TTC6: variants seen among roughly 807,000 people sequenced by gnomAD.
TTC6 encodes tetratricopeptide repeat domain 6.
In TTC6, 172 loss-of-function variants were observed where a neutral mutation model predicts 210.4. That is an observed-to-expected ratio of 0.82 (90% confidence interval 0.72 to 0.93). The LOEUF is 0.93. Ranked by LOEUF, TTC6 falls within the 40% of genes least tolerant of loss-of-function variation. TTC6 has a pLI of 0.00. For missense variants in TTC6, 2,414 were observed against 2,318.1 expected (o/e 1.04, Z -0.85); for synonymous variants, 804 against 819.6 (o/e 0.98, Z 0.32).
upstream of TTC6, among the ~76,000 whole-genome samples, chr14:37,617,337 G>C (rs949838709): frequency 6.6e-6 from 1 of 152,192 alleles, no homozygotes; most frequent in South Asian, 2.1e-4. Flanking sequence ...TATTCACAAG[G>C]GATATAGGCA....
chr14:37,630,245 CT>C (rs1432239047), intron 1 of TTC6, among the ~76,000 whole-genome samples: 2 of 152,146 alleles, frequency 1.3e-5, no homozygotes, highest in African/African-American at 2.4e-5. Context: ...GTAAACACTG[CT>C]TTAGCTGTAT....
rs530211564 is a variant in TTC6, at chr14:37,664,638, A to G, written c.940-15513A>G. On this transcript the variant is annotated intron_variant, in intron 1 of 30. Coordinates refer to ENST00000553443, the Ensembl canonical transcript of TTC6. Reference sequence around the variant, plus strand: ...GCCAAAAGCAATTGCAACAAAAGCAAACATTGACAAATGGGATCTAATTAA... The same window carrying G: ...GCCAAAAGCAATTGCAACAAAAGCAGACATTGACAAATGGGATCTAATTAA... Among the ~76,000 whole-genome samples, 288 of 150,896 alleles carry G rather than the reference A, an allele frequency of 1.9e-3. 27 individuals are homozygous for G. The highest frequency in any genetic ancestry group is 3.8e-3 in the Non-Finnish European group (254 of 67,178).
chr14:37,818,260 A>T (rs757635119), intron 26 of TTC6, among the ~76,000 whole-genome samples: 1 of 152,306 alleles, frequency 6.6e-6, no homozygotes, highest in South Asian at 2.1e-4. Context: ...AAAATATAGA[A>T]GATAATCAGC....
At chr14:37,817,502 C>T in intron 25 of TTC6, 76 bp from the exon 28 acceptor site, 14 of 1,272,866 alleles carry the variant, frequency 1.1e-5, no homozygotes, top group Non-Finnish European at 1.6e-5. Flanking sequence ...ATTGTGGAAT[C>T]ACAGTTAGAA....
In TTC6 at chr14:37,742,830, C is replaced by T. The variant is rs561108897; in HGVS notation, c.2363+3675C>T. Among the ~76,000 whole-genome samples, 41 of 152,296 alleles carry T rather than the reference C, an allele frequency of 2.7e-4. No individual in the cohort carries two copies. The South Asian group carries it at 8.1e-3, about 30-fold the overall frequency. On this transcript the variant is annotated intron_variant, in intron 10 of 30. Coordinates refer to ENST00000553443, the Ensembl canonical transcript of TTC6. The stretch of plus-strand genomic sequence containing the variant: ...GAATTTGTATACATCCATATCCCAA[C>T]CTTCATTCACTAGATCCTCAGTGAC...
At chr14:37,735,629 G>A (rs1372523226) in intron 7 of TTC6, among the ~76,000 whole-genome samples, 1 of 152,106 alleles carries the variant, frequency 6.6e-6, no homozygotes, top group Non-Finnish European at 1.5e-5. Context: ...GTTAACCTAT[G>A]AGATCATAGG....
At chr14:37,840,610 G>A (rs1055298795) in intron 29 of TTC6, among the ~76,000 whole-genome samples, 3 of 152,104 alleles carry the variant, frequency 2.0e-5, no homozygotes, top group Non-Finnish European at 4.4e-5. Flanking sequence ...TAAAATACTG[G>A]CAAACTGAAT....
At chr14:37,607,440 A>G (rs1426565228) in intron 2 of TTC6, among the ~76,000 whole-genome samples, 6 of 152,168 alleles carry the variant, frequency 3.9e-5, no homozygotes, top group Non-Finnish European at 8.8e-5. Flanking sequence ...CATCAATGAG[A>G]ATTCTATGTG....
chr14:37,719,888 A>G (rs1309074859), intron 6 of TTC6, among the ~76,000 whole-genome samples: 1 of 152,128 alleles, frequency 6.6e-6, no homozygotes, highest in African/African-American at 2.4e-5. Context: ...TCTACAAAAG[A>G]CCCTGTTAAG....
chr14:37,780,367 T>C (rs796662130), intron 14 of TTC6, among the ~76,000 whole-genome samples: 1 of 152,148 alleles, frequency 6.6e-6, no homozygotes, highest in African/African-American at 2.4e-5. Context: ...AAGCCCAGTA[T>C]CCATTAGCGA....
intron 13 of TTC6, among the ~76,000 whole-genome samples, chr14:37,751,687 C>T (rs986224711): frequency 9.2e-5 from 14 of 152,086 alleles, no homozygotes; most frequent in Non-Finnish European, 1.6e-4. Context: ...CATTCGCTTG[C>T]TTGAAACTAT....
At chr14:37,649,835 C>A (rs1334716052) in intron 1 of TTC6, among the ~76,000 whole-genome samples, 5 of 152,166 alleles carry the variant, frequency 3.3e-5, no homozygotes, top group African/African-American at 1.2e-4. Context: ...AGAGACCAAA[C>A]TGTAGATACC....
At chr14:37,703,406 A>G (rs1476976805) in intron 5 of TTC6, among the ~76,000 whole-genome samples, 1 of 152,164 alleles carries the variant, frequency 6.6e-6, no homozygotes, top group Non-Finnish European at 1.5e-5. Flanking sequence ...TCCAGCATCT[A>G]TCTCTTGAGG....
At chr14:37,627,488 G>A (rs999209154) in intron 1 of TTC6, among the ~76,000 whole-genome samples, 27 of 146,402 alleles carry the variant, frequency 1.8e-4, no homozygotes, top group Non-Finnish European at 4.5e-5. Context: ...GCTGTGTGAT[G>A]TTCCCTTCCC....
chr14:37,739,222 C>G (rs186071745), intron 10 of TTC6, 67 bp downstream of exon 12: 8 of 1,342,602 alleles, frequency 6.0e-6, no homozygotes, highest in Non-Finnish European at 7.9e-6. Flanking sequence ...ATTTTATAAT[C>G]TCACCCCATG....
intron 20 of TTC6, among the ~76,000 whole-genome samples, chr14:37,798,702 A>G (rs1369872832): frequency 6.6e-6 from 1 of 152,118 alleles, no homozygotes; most frequent in Non-Finnish European, 1.5e-5. Context: ...AGTTTACCCT[A>G]CTAAGAATGA....
intron 1 of TTC6, among the ~76,000 whole-genome samples, chr14:37,674,188 C>T (rs956338510): frequency 2.0e-5 from 3 of 151,438 alleles, no homozygotes; most frequent in African/African-American, 7.3e-5. Flanking sequence ...TTTTTGTTAC[C>T]TTCATGATTT....
chr14:37,735,289 G>C (rs911081242), intron 7 of TTC6, among the ~76,000 whole-genome samples: 2 of 152,098 alleles, frequency 1.3e-5, no homozygotes, highest in African/African-American at 4.8e-5. Flanking sequence ...AAAAAGCAAA[G>C]TAGTAGTATG....
chr14:37,746,387 C>G (rs1417938144), intron 10 of TTC6, among the ~76,000 whole-genome samples: 1 of 152,172 alleles, frequency 6.6e-6, no homozygotes, highest in Non-Finnish European at 1.5e-5. Context: ...ACTCATTCCT[C>G]TACAGCAATT....
Sources: allele counts gnomAD v4.1 joint callset (sites outside exome capture counted in the v4.1 genomes callset), GRCh38; gene constraint gnomAD v4.1.1; transcripts MANE v1.5; gene names NCBI Gene and HGNC (gene_info 2026-07-23, HGNC 2026-07-21).